The following PCGF5 variants were observed in gnomAD, a reference collection of about 807,000 sequenced individuals.
PCGF5 encodes the protein polycomb group ring finger 5, also known as polycomb group RING finger protein 5.
In PCGF5, 9 loss-of-function variants were observed where a neutral mutation model predicts 44.3. The ratio of observed to expected loss-of-function variants is 0.20; its 90% CI spans 0.12 to 0.35. The LOEUF is 0.35. Ranked by LOEUF, PCGF5 falls within the 10% of genes least tolerant of loss-of-function variation. PCGF5 has a pLI of 1.00. For synonymous variants in PCGF5, 95 were observed against 102.5 expected (o/e 0.93, Z 0.44); for missense variants, 146 against 305.3 (o/e 0.48, Z 3.89).
At chr10:91,173,578 CTTTT>C (rs59254639) in intron 1 of PCGF5, among the ~76,000 whole-genome samples, 2 of 115,628 alleles carry the variant, frequency 1.7e-5, no homozygotes, top group South Asian at 2.8e-4. Flanking sequence ...AGGGAGTTGG[CTTTT>C]TTTTTTTTTT....
chr10:91,205,249 T>C (rs1256455497), intron 1 of PCGF5, among the ~76,000 whole-genome samples: 1 of 151,946 alleles, frequency 6.6e-6, no homozygotes, highest in African/African-American at 2.4e-5. Context: ...GAAAGGCTAT[T>C]ATGGAACGAT....
At chr10:91,163,729 C>T (rs1191170243) in intron 1 of PCGF5, among the ~76,000 whole-genome samples, 2 of 151,518 alleles carry the variant, frequency 1.3e-5, no homozygotes, top group African/African-American at 2.4e-5. Context: ...GGGGAGGGCG[C>T]GGTGGCCTTC....
chr10:91,227,635 A>T (rs1844882475), intron 2 of PCGF5: 2 of 1,128,620 alleles, frequency 1.8e-6, no homozygotes, highest in African/African-American at 1.6e-5. Flanking sequence ...GGTAATAATT[A>T]AAAACAGCTT....
rs920715884 is a variant in PCGF5 at position 91,172,462 on chromosome 10, G to A, written c.-184+9381G>A. Among the ~76,000 whole-genome samples, 7 of 152,068 alleles carry A rather than the reference G, an allele frequency of 4.6e-5. 1 individual carries two copies. The highest frequency in any genetic ancestry group is 5.9e-5 in the Non-Finnish European group (4 of 68,010). ...CTCTAGGGCAGAAGAAGTAATTAAA[G>A]TATCCACTCAAAAAAATCTTAGAAC... On this transcript the variant is annotated intron_variant, in intron 1 of 9. Coordinates refer to the PCGF5 transcript ENST00000614189.
intron 5 of PCGF5, among the ~76,000 whole-genome samples, chr10:91,250,453 A>G (rs1276533678): frequency 6.7e-6 from 1 of 148,594 alleles, no homozygotes; most frequent in Non-Finnish European, 1.5e-5. Context: ...ATGTGCATGC[A>G]TAGTCCATTT....
intron 1 of PCGF5, among the ~76,000 whole-genome samples, chr10:91,204,413 T>C (rs978799014): frequency 2.0e-5 from 3 of 152,226 alleles, no homozygotes; most frequent in Admixed American, 1.3e-4. Context: ...TACTTTTAAC[T>C]AATATTTACT....
intron 3 of PCGF5, among the ~76,000 whole-genome samples, chr10:91,242,048 T>G (rs569662389): frequency 2.0e-5 from 3 of 151,986 alleles, no homozygotes; most frequent in Non-Finnish European, 4.4e-5. Context: ...GGTCTGTAAT[T>G]CTGAGTAAGC....
intron 1 of PCGF5, among the ~76,000 whole-genome samples, chr10:91,184,003 C>T (rs924744986): frequency 7.9e-5 from 12 of 151,906 alleles, no homozygotes; most frequent in African/African-American, 2.4e-4. Flanking sequence ...ATTTTTTCTT[C>T]GTTTCGACCT....
chr10:91,209,956 G>A (rs1335699432), intron 1 of PCGF5, among the ~76,000 whole-genome samples: 1 of 152,156 alleles, frequency 6.6e-6, no homozygotes, highest in Non-Finnish European at 1.5e-5. Context: ...ATTCCCAAAT[G>A]GGTGTTTTTG....
chr10:91,251,024 C>G (rs1283282092), intron 5 of PCGF5, among the ~76,000 whole-genome samples: 1 of 151,280 alleles, frequency 6.6e-6, no homozygotes, highest in Admixed American at 6.6e-5. Context: ...TGGCTAAATA[C>G]AGCTAGTCCT....
chr10:91,251,161 C>A, intron 5 of PCGF5, 131 bp from the exon 6 acceptor site: 3 of 503,432 alleles, frequency 6.0e-6, no homozygotes, highest in East Asian at 3.9e-5. Flanking sequence ...TTTAAAGATA[C>A]TAAGTTCTTC....
intron 1 of PCGF5, among the ~76,000 whole-genome samples, chr10:91,209,143 T>C (rs1844401816): frequency 6.6e-6 from 1 of 152,146 alleles, no homozygotes; most frequent in Non-Finnish European, 1.5e-5. Context: ...CTTTGTTTAA[T>C]GTGTTTACAT....
At chr10:91,165,383 G>A (rs1408591123) in intron 1 of PCGF5, among the ~76,000 whole-genome samples, 1 of 152,184 alleles carries the variant, frequency 6.6e-6, no homozygotes, top group African/African-American at 2.4e-5. Flanking sequence ...ACAGTCCTAT[G>A]TTTCCACTTA....
intron 1 of PCGF5, among the ~76,000 whole-genome samples, chr10:91,199,646 TAAG>T (rs964995692): frequency 3.3e-5 from 5 of 152,244 alleles, no homozygotes; most frequent in African/African-American, 9.6e-5. Flanking sequence ...GTATTTTAGT[TAAG>T]AAGTAACATT....
chr10:91,232,212 A>G (rs1032620824), intron 2 of PCGF5, among the ~76,000 whole-genome samples: 2 of 152,216 alleles, frequency 1.3e-5, no homozygotes, highest in African/African-American at 4.8e-5. Flanking sequence ...TCCTAGATTT[A>G]GCAATGCATA....
At position 91,244,764 on chromosome 10, in the gene PCGF5, A is replaced by G. The variant is rs143186487; in HGVS notation, c.210-3741A>G. Among the ~76,000 whole-genome samples the G allele has an allele frequency of 2.0e-5, 3 of 152,088 alleles. No individual in the cohort carries two copies. The East Asian group carries it at 5.8e-4, about 29-fold the overall frequency. ...TGGTGGATTGGATATAGGATATGGG[A>G]TAAAGAAAAGAGTTGAACATGACTT... On this transcript the variant is annotated intron_variant, in intron 3 of 9. Transcript: ENST00000336126.
At chr10:91,168,572 A>C (rs1274911595) in intron 1 of PCGF5, among the ~76,000 whole-genome samples, 1 of 152,146 alleles carries the variant, frequency 6.6e-6, no homozygotes, top group Non-Finnish European at 1.5e-5. Flanking sequence ...TGTGAAAATC[A>C]GAGACTAGGG....
At position 91,222,976 on chromosome 10, in the gene PCGF5, C is replaced by A; in HGVS notation, c.105C>A (p.Leu35=). Residue 35 remains leucine, a synonymous_variant, in exon 2 of 10, where the codon CTC becomes CTA. Transcript: ENST00000336126. ...LIKPTTVTEC[L]HTFCKTCIVQ... ...AGCCAACAACAGTGACGGAATGCCT[C>A]CATACATGTAAGTATTCTTTTAGGT... is the stretch of plus-strand genomic sequence containing the variant. 1 of 1,577,970 alleles carries A rather than the reference C, an allele frequency of 6.3e-7. No homozygotes were observed. Among genetic ancestry groups the A allele is most frequent in the Non-Finnish European group, 8.7e-7 (1 of 1,147,190 alleles).
chr10:91,273,467 T>C (rs66464812), intron 9 of PCGF5, among the ~76,000 whole-genome samples: 10,516 of 152,264 alleles, frequency 0.069, 465 homozygotes, highest in African/African-American at 0.11. Flanking sequence ...TCTAAATCCA[T>C]ACAAATTTCC....
Sources: gnomAD v4.1 joint callset for allele counts (sites outside exome capture counted in the v4.1 genomes callset) on GRCh38, gnomAD v4.1.1 for gene constraint, MANE v1.5 for transcripts, NCBI Gene and HGNC (gene_info 2026-07-23, HGNC 2026-07-21) for gene names.